RBM12B: variants seen among roughly 807,000 people sequenced by gnomAD.
The protein encoded by RBM12B is RNA-binding protein 12B.
RBM12B carries 10 observed loss-of-function variants against 34.3 expected under a neutral mutation model. The ratio of observed to expected loss-of-function variants is 0.29; its 90% CI spans 0.18 to 0.49. The LOEUF is 0.49. RBM12B is among the 20% of genes least tolerant of loss of function. RBM12B has a pLI of 0.99. For missense variants in RBM12B, 1,139 were observed against 1,262.7 expected (o/e 0.90, Z 1.48); for synonymous variants, 477 against 437.1 (o/e 1.09, Z -1.14).
Position 93,736,128 on chromosome 8 carries a change from G to C in RBM12B, c.283C>G (p.Arg95Gly), listed in dbSNP as rs756795147. Reference sequence around the variant, plus strand: ...ACCCCTGATGTCCCAGATCCTGGACGCCCTCTTCCTACACGATCAGTTCTT... The same window carrying C: ...ACCCCTGATGTCCCAGATCCTGGACCCCCTCTTCCTACACGATCAGTTCTT... ...MKRTDRVGRGRPGSGTSGVDS... is the reference protein window; with the variant it reads ...MKRTDRVGRGGPGSGTSGVDS... Residue 95 changes from arginine (R) to glycine (G), a missense_variant, in exon 4 of 4, where the codon CGT becomes GGT. By Grantham distance (125) the Arg-to-Gly change is moderately radical. Transcript: ENST00000520560. 1.2e-6 allele frequency: 2 copies of C among 1,614,026 alleles called. No homozygotes were observed. The highest frequency in any genetic ancestry group is 2.2e-5 in the South Asian group (2 of 91,068).
rs748276540 is a variant in RBM12B, at chr8:93,735,607, A to C, written c.804T>G (p.Ser268=). The C allele has an allele frequency of 2.5e-6, 4 of 1,614,180 alleles. No individual in the cohort carries two copies. In the South Asian group the frequency reaches 4.4e-5, roughly 18 times the overall value. Residue 268 remains serine (S), a synonymous_variant, in exon 4 of 4, where the codon TCT becomes TCG. Transcript: ENST00000520560. The part of the protein sequence containing the change: ...GINDRHFRKR[S]HSKSPRRTRS... ...GTGTTCTTCTGGGAGATTTTGAATG[A>C]GACCGTTTTCGAAAATGTCTATCAT...
Position 93,729,814 on chromosome 8 carries a change from TACAACA to T in RBM12B, c.*3585_*3590del, listed in dbSNP as rs985915930. On this transcript the variant is annotated 3_prime_UTR_variant, in exon 4 of 4. Coordinates refer to ENST00000520560, the MANE Select transcript of RBM12B (RefSeq NM_001377960.1). ...GTGAAAAACCATTCCTAGCTTCCAC[TACAACA>T]ACAACAAAAAACAGGCAACCAATCC... 6.6e-6 allele frequency: 1 copy of T among 152,120 alleles called. No individual in the cohort carries two copies. Among genetic ancestry groups the T allele is most frequent in the Non-Finnish European group, 1.5e-5 (1 of 68,014 alleles). The allele number at this position is 152,120 out of a possible 1,614,324, so 9.4% of individuals were successfully genotyped here.
chr8:93,734,089 C>T lies in RBM12B; in HGVS notation c.2322G>A (p.Pro774=), dbSNP rs763011271. ...GCGGTCTCCGGAAGTGCTCCGGGGGCGGGCGCCTGAAATGCTCTGGGGGTG... is the reference window on the plus strand; with the variant it reads ...GCGGTCTCCGGAAGTGCTCCGGGGGTGGGCGCCTGAAATGCTCTGGGGGTG... The part of the protein sequence containing the change: ...RRPPPEHFRR[P]PPEHFRRPPQ... The change falls in exon 4 of 4, where the codon CCG becomes CCA. Residue 774 remains proline (P), a synonymous_variant. Coordinates refer to ENST00000520560, the MANE Select transcript of RBM12B (RefSeq NM_001377960.1). 10 of 1,559,950 alleles carry T rather than the reference C, an allele frequency of 6.4e-6. No homozygotes were observed. The highest frequency in any genetic ancestry group is 3.6e-5 in the South Asian group (3 of 83,754).
chr8:93,736,664 G>A (rs370342801), intron 3 of RBM12B, among the ~76,000 whole-genome samples: 3 of 152,226 alleles, frequency 2.0e-5, no homozygotes, highest in African/African-American at 4.8e-5. Flanking sequence ...GAAACATTTC[G>A]TATCACCTAT....
intron 2 of RBM12B, among the ~76,000 whole-genome samples, chr8:93,738,190 A>C (rs372437408): frequency 6.6e-6 from 1 of 152,222 alleles, no homozygotes; most frequent in Non-Finnish European, 1.5e-5. Flanking sequence ...AACTGTTACA[A>C]TTCATCTCAA....
intron 2 of RBM12B, 173 bp downstream of exon 2, chr8:93,740,456 G>A (rs754644796): frequency 1.1e-5 from 5 of 457,198 alleles, no homozygotes; most frequent in South Asian, 6.2e-5. Flanking sequence ...CCCAACCTCC[G>A]TGCCTTTCCG....
rs1812020318 is a variant in RBM12B, at chr8:93,736,276, A to T, written c.135T>A (p.Ile45=). Residue 45 remains isoleucine, a synonymous_variant, in exon 4 of 4, where the codon ATT becomes ATA. Transcript: ENST00000520560. ...TTGCATCTTCATCTGTTGCAAAAAT[A>T]ATAAAAGCCTCCCCAATTTCCCCTC... ...IIGGEIGEAF[I]IFATDEDARR... The T allele has an allele frequency of 6.2e-7, 1 of 1,614,070 alleles. No homozygotes were observed. Among genetic ancestry groups the T allele is most frequent in the South Asian group, 1.1e-5 (1 of 91,088 alleles).
rs1812191291 is a variant in RBM12B, at chr8:93,740,932, C to T, written c.-197G>A. 1 of 224,902 alleles carries T rather than the reference C, an allele frequency of 4.4e-6. No homozygotes were observed. Among genetic ancestry groups the T allele is most frequent in the Non-Finnish European group, 9.1e-6 (1 of 109,810 alleles). The allele number at this position is 224,902 out of a possible 1,614,324, so 13.9% of individuals were successfully genotyped here. On this transcript the variant is annotated 5_prime_UTR_variant, in exon 1 of 4. Coordinates refer to ENST00000520560, the MANE Select transcript of RBM12B (RefSeq NM_001377960.1). ...GCCGGAGGCTGAGGGAACTCTTCGT[C>T]GCAGCAGCCTCCCCAAAACAGGTAG...
chr8:93,739,886 C>T (rs1812139776), intron 2 of RBM12B, among the ~76,000 whole-genome samples: 2 of 152,148 alleles, frequency 1.3e-5, no homozygotes, highest in Non-Finnish European at 2.9e-5. Flanking sequence ...CAATACGTAA[C>T]GTGCCTCTTC....
rs745665846 is a variant in RBM12B at position 93,735,626 on chromosome 8, C to G, written c.785G>C (p.Arg262Thr). 2.5e-6 allele frequency: 4 copies of G among 1,613,980 alleles called. No individual in the cohort carries two copies. The African/African-American group carries it at 4.0e-5, about 16-fold the overall frequency. The change falls in exon 4 of 4, where the codon AGA (arginine) becomes ACA (threonine). Residue 262 changes from arginine to threonine, a missense_variant. Physicochemically the swap from Arg to Thr is moderately conservative, Grantham distance 71. Around this residue, in one of 3 missense-constraint regions of RBM12B, gnomAD observed 863 missense variants for 869.5 expected, o/e 0.99. Transcript: ENST00000520560. ...TGAATGAGACCGTTTTCGAAAATGT[C>G]TATCATTAATTCCTCTTGGTGGAGA... ...EHSPPRGIND[R>T]HFRKRSHSKS...
chr8:93,734,526 G>T lies in RBM12B; in HGVS notation c.1885C>A (p.Arg629=), dbSNP rs559228137. ...CGCCTGAAATCCTCCTCCAGTGGCC[G>T]CCTCCAGTCCTCCTCAAGGGGCCTC... ...WRRPLEEDWR[R]PLEEDFRRSP... The change falls in exon 4 of 4, where the codon CGG becomes AGG. Residue 629 remains arginine, a synonymous_variant. Transcript: ENST00000520560. 2 of 1,613,374 alleles carry T rather than the reference G, an allele frequency of 1.2e-6. No homozygotes were observed. Among genetic ancestry groups the T allele is most frequent in the South Asian group, 1.1e-5 (1 of 91,042 alleles).
intron 2 of RBM12B, among the ~76,000 whole-genome samples, chr8:93,738,389 G>T (rs901248941): frequency 6.6e-6 from 1 of 152,180 alleles, no homozygotes; most frequent in African/African-American, 2.4e-5. Flanking sequence ...AGAAGTTTGC[G>T]TTTAATACTT....
Position 93,735,571 on chromosome 8 carries a change from G to A in RBM12B, c.840C>T (p.Ser280=). Reference sequence around the variant, plus strand: ...TTAAGTGAACATAAAATCCAAGAGGGGAACGAGAACGTGTTCTTCTGGGAG... The same window carrying A: ...TTAAGTGAACATAAAATCCAAGAGGAGAACGAGAACGTGTTCTTCTGGGAG... ...SKSPRRTRSR[S]PLGFYVHLKN... The change falls in exon 4 of 4, where the codon TCC becomes TCT. Residue 280 remains serine (S), a synonymous_variant. Coordinates refer to ENST00000520560, the MANE Select transcript of RBM12B (RefSeq NM_001377960.1). 1.2e-6 allele frequency: 2 copies of A among 1,614,010 alleles called. No individual in the cohort carries two copies. The highest frequency in any genetic ancestry group is 2.2e-5 in the South Asian group (2 of 91,070).
chr8:93,736,486 C>T, intron 3 of RBM12B, 48 bp from the exon 4 acceptor site: 2 of 1,421,622 alleles, frequency 1.4e-6, no homozygotes, highest in South Asian at 1.6e-5. Flanking sequence ...TTTTGAAGTA[C>T]CTTAGCCCAA....
rs373491241 is a variant in RBM12B at position 93,733,812 on chromosome 8, G to T, written c.2599C>A (p.Pro867Thr). The change falls in exon 4 of 4, where the codon CCT (proline) becomes ACT (threonine). Residue 867 changes from proline (P) to threonine (T), a missense_variant. Physicochemically the swap from Pro to Thr is conservative, Grantham distance 38. Around this residue, in one of 3 missense-constraint regions of RBM12B, gnomAD observed 863 missense variants for 869.5 expected, o/e 0.99. Coordinates refer to ENST00000520560, the MANE Select transcript of RBM12B (RefSeq NM_001377960.1). ...EDPRLPDNFR[P>T]PGEDFRSPPD... Reference sequence around the variant, plus strand: ...GGGCTCCTAAAATCCTCACCAGGAGGTCTAAAATTGTCAGGAAGTCTAGGG... The same window carrying T: ...GGGCTCCTAAAATCCTCACCAGGAGTTCTAAAATTGTCAGGAAGTCTAGGG... 2.5e-6 allele frequency: 4 copies of T among 1,614,140 alleles called. No individual in the cohort carries two copies. In the Admixed American group the frequency reaches 6.7e-5, roughly 27 times the overall value.
Position 93,736,229 on chromosome 8 carries a change from C to G in RBM12B, c.182G>C (p.Gly61Ala), listed in dbSNP as rs1370366416. Residue 61 changes from glycine to alanine, a missense_variant, in exon 4 of 4, where the codon GGA becomes GCA. Around this residue, in one of 3 missense-constraint regions of RBM12B, gnomAD observed 216 missense variants for 292.2 expected, o/e 0.74. Coordinates refer to ENST00000520560, the MANE Select transcript of RBM12B (RefSeq NM_001377960.1). Reference sequence around the variant, plus strand: ...TACAGATGAATCCTTGATAAACCCTCCTGAACGACTTATGGCACGTCTTGC... The same window carrying G: ...TACAGATGAATCCTTGATAAACCCTGCTGAACGACTTATGGCACGTCTTGC... ...EDARRAISRS[G>A]GFIKDSSVEL... 15 of 1,614,094 alleles carry G rather than the reference C, an allele frequency of 9.3e-6. No homozygotes were observed. The highest frequency in any genetic ancestry group is 1.3e-5 in the African/African-American group (1 of 74,928).
rs751868206 is a variant in RBM12B, at chr8:93,728,185, AGT to A, written c.*5218_*5219del. The A allele has an allele frequency of 3.4e-5, 49 of 1,450,700 alleles. No homozygotes were observed. The highest frequency in any genetic ancestry group is 4.1e-5 in the Non-Finnish European group (45 of 1,090,002). 89.9% of individuals were successfully genotyped at this position (1,450,700 alleles called of 1,614,324 possible). A position where few individuals can be genotyped will look rare whatever the true frequency, so the allele number is the denominator to read the frequency against. ...TTAAGTTAGTATTTTTATTTTAAAA[AGT>A]GTGTTAACTTTTAACAGGTATCCAC... On this transcript the variant is annotated 3_prime_UTR_variant, in exon 4 of 4. Coordinates refer to ENST00000520560, the MANE Select transcript of RBM12B (RefSeq NM_001377960.1).
In RBM12B at chr8:93,731,750, AG is replaced by A. The variant is rs1276474840; in HGVS notation, c.*1654del. On this transcript the variant is annotated 3_prime_UTR_variant, in exon 4 of 4. Coordinates refer to ENST00000520560, the MANE Select transcript of RBM12B (RefSeq NM_001377960.1). Reference sequence around the variant, plus strand: ...GGGGAAAATCTGGATTACAGAACTGAGGAAAATTATGTTTTATGTAAATTAT... The same window carrying A: ...GGGGAAAATCTGGATTACAGAACTGAGAAAATTATGTTTTATGTAAATTAT... The A allele has an allele frequency of 6.6e-6, 1 of 152,634 alleles. No individual in the cohort carries two copies. Among genetic ancestry groups the A allele is most frequent in the African/African-American group, 2.4e-5 (1 of 41,464 alleles). 9.5% of individuals were successfully genotyped at this position (152,634 alleles called of 1,614,324 possible). A position where few individuals can be genotyped will look rare whatever the true frequency, so the allele number is the denominator to read the frequency against.
At chr8:93,738,038 T>C (rs1403726544) in intron 2 of RBM12B, among the ~76,000 whole-genome samples, 3 of 152,146 alleles carry the variant, frequency 2.0e-5, no homozygotes, top group African/African-American at 4.8e-5. Flanking sequence ...GGGCTATTGT[T>C]TGGATACAAT....
Sources: allele counts gnomAD v4.1 joint callset (sites outside exome capture counted in the v4.1 genomes callset), GRCh38; gene constraint gnomAD v4.1.1; regional missense constraint gnomAD v4.1.1; transcripts MANE v1.5; gene names NCBI Gene and HGNC (gene_info 2026-07-23, HGNC 2026-07-21).